The following TOP6BL variants were observed in gnomAD, a reference collection of about 807,000 sequenced individuals.
TOP6BL encodes TOP6B like initiator of meiotic double strand breaks, also known as type 2 DNA topoisomerase 6 subunit B-like.
At chr11:66,840,391 C>G in the TOP6BL span, among the ~76,000 whole-genome samples, 2 of 152,318 alleles carry the variant, frequency 1.3e-5, no homozygotes, top group African/African-American at 4.8e-5. Context: ...GACCCATTTC[C>G]TCCAGGCTCA....
At chr11:66,806,024 T>C in the TOP6BL span, among the ~76,000 whole-genome samples, 1 of 152,244 alleles carries the variant, frequency 6.6e-6, no homozygotes, top group Non-Finnish European at 1.5e-5. Flanking sequence ...GTTGAGTTTA[T>C]GGTGTCTCAA....
the TOP6BL span, among the ~76,000 whole-genome samples, chr11:66,776,337 G>A: frequency 7.4e-4 from 113 of 152,170 alleles, 1 homozygote; most frequent in Admixed American, 2.7e-3. Context: ...GGAACTACAG[G>A]CATGAGCCAT....
At chr11:66,835,457 A>G in the TOP6BL span, among the ~76,000 whole-genome samples, 1 of 152,228 alleles carries the variant, frequency 6.6e-6, no homozygotes, top group Non-Finnish European at 1.5e-5. Flanking sequence ...TACCACTTTA[A>G]AGAATAAAAC....
the TOP6BL span, chr11:66,761,672 ATGT>A: frequency 3.2e-5 from 33 of 1,023,756 alleles, no homozygotes; most frequent in Non-Finnish European, 4.4e-5. Flanking sequence ...ATCTGCAAAA[ATGT>A]TGTCCACCCC....
At chr11:66,797,443 TA>T in the TOP6BL span, among the ~76,000 whole-genome samples, 1 of 152,226 alleles carries the variant, frequency 6.6e-6, no homozygotes, top group Non-Finnish European at 1.5e-5. Context: ...TGTTTTTTGT[TA>T]AAGCTAGATA....
At chr11:66,790,180 A>T in the TOP6BL span, among the ~76,000 whole-genome samples, 1 of 152,044 alleles carries the variant, frequency 6.6e-6, no homozygotes, top group Non-Finnish European at 1.5e-5. Flanking sequence ...GAGGCAGGAG[A>T]ATGGTGTGAA....
At chr11:66,783,720 T>C in the TOP6BL span, among the ~76,000 whole-genome samples, 5 of 152,228 alleles carry the variant, frequency 3.3e-5, no homozygotes, top group Non-Finnish European at 7.3e-5. Flanking sequence ...TCTGGATCTA[T>C]TTTTAATGTC....
At chr11:66,837,880 G>C in the TOP6BL span, among the ~76,000 whole-genome samples, 2 of 152,130 alleles carry the variant, frequency 1.3e-5, no homozygotes. Flanking sequence ...AACCAGTGTG[G>C]CAGGGCTCTA....
chr11:66,777,087 CTA>C, the TOP6BL span, among the ~76,000 whole-genome samples: 1 of 145,512 alleles, frequency 6.9e-6, no homozygotes, highest in South Asian at 2.1e-4. Context: ...CTATATATAT[CTA>C]TATATCTATA....
the TOP6BL span, chr11:66,788,028 T>C: frequency 1.7e-6 from 1 of 585,032 alleles, no homozygotes; most frequent in Non-Finnish European, 3.0e-6. Context: ...TCCAGTCATA[T>C]TTTAAATCTT....
chr11:66,745,314 T>TGTGGGGG, the TOP6BL span, among the ~76,000 whole-genome samples: 1 of 111,052 alleles, frequency 9.0e-6, no homozygotes, highest in South Asian at 3.3e-4. Context: ...CGGGGCGGGG[T>TGTGGGGG]GGGGGGAGTC....
the TOP6BL span, among the ~76,000 whole-genome samples, chr11:66,769,586 T>C: frequency 2.0e-5 from 3 of 151,814 alleles, no homozygotes; most frequent in Admixed American, 1.3e-4. Context: ...AAAGGACAAA[T>C]AGCAAAATTC....
At chr11:66,828,142 T>G in the TOP6BL span, 5 of 642,928 alleles carry the variant, frequency 7.8e-6, no homozygotes, top group Non-Finnish European at 1.4e-5. Context: ...CTAAGAAAAC[T>G]CTTAACTTTA....
chr11:66,813,549 A>G, the TOP6BL span, among the ~76,000 whole-genome samples: 5 of 152,174 alleles, frequency 3.3e-5, no homozygotes, highest in Admixed American at 2.0e-4. Context: ...CCTGGCCAAC[A>G]TGGTGAAACC....
chr11:66,776,777 CA>C, the TOP6BL span, among the ~76,000 whole-genome samples: 1 of 152,160 alleles, frequency 6.6e-6, no homozygotes, highest in African/African-American at 2.4e-5. Context: ...AGGCCAGGCA[CA>C]GTGGCTTATG....
the TOP6BL span, among the ~76,000 whole-genome samples, chr11:66,779,103 G>T: frequency 1.8e-4 from 27 of 152,156 alleles, no homozygotes; most frequent in African/African-American, 5.8e-4. Context: ...ATAGGCATGG[G>T]CAAGGACTTC....
chr11:66,837,235 T>C, the TOP6BL span, among the ~76,000 whole-genome samples: 1 of 152,130 alleles, frequency 6.6e-6, no homozygotes, highest in South Asian at 2.1e-4. Flanking sequence ...CACGCCATTC[T>C]TCTGCCTCAG....
At chr11:66,772,578 C>T in the TOP6BL span, among the ~76,000 whole-genome samples, 7 of 152,326 alleles carry the variant, frequency 4.6e-5, no homozygotes, top group Non-Finnish European at 8.8e-5. Flanking sequence ...AGACCAGCCT[C>T]GCCAACATGG....
the TOP6BL span, among the ~76,000 whole-genome samples, chr11:66,815,502 TAGTC>T: frequency 6.6e-6 from 1 of 152,202 alleles, no homozygotes; most frequent in Non-Finnish European, 1.5e-5. Context: ...ACAGGTTTTT[TAGTC>T]AGTCTAGCAA....
Sources: gnomAD v4.1 joint callset for allele counts (sites outside exome capture counted in the v4.1 genomes callset) on GRCh38, gnomAD v4.1.1 for gene constraint, MANE v1.5 for transcripts, NCBI Gene and HGNC (gene_info 2026-07-23, HGNC 2026-07-21) for gene names.